The following KCNIP4 variants were observed in gnomAD, a reference collection of about 807,000 sequenced individuals.
KCNIP4 encodes the protein potassium voltage-gated channel interacting protein 4, also known as Kv channel-interacting protein 4.
KCNIP4 carries 12 observed loss-of-function variants against 34.0 expected under a neutral mutation model. That is an observed-to-expected ratio of 0.35 (90% CI 0.23 to 0.57). The LOEUF (loss-of-function observed/expected upper bound fraction) is 0.57, where lower values mean the gene tolerates loss of function less well. KCNIP4 is among the 20% of genes least tolerant of loss of function. KCNIP4 has a pLI of 0.83. For missense variants in KCNIP4, 238 were observed against 311.7 expected, an observed-to-expected ratio of 0.76 and a Z score of 1.78; for synonymous variants, 124 against 102.2, an observed-to-expected ratio of 1.21 and a Z score of -1.29.
chr4:21,572,801 A>T (rs1577618959), intron 1 of KCNIP4, among the ~76,000 whole-genome samples: 1 of 151,932 alleles, frequency 6.6e-6, no homozygotes, highest in Non-Finnish European at 1.5e-5. Context: ...TAATTTTTGT[A>T]TTTTTAGTGA....
At chr4:20,879,833 A>G (rs1299915889) in intron 2 of KCNIP4, among the ~76,000 whole-genome samples, 2 of 152,222 alleles carry the variant, frequency 1.3e-5, no homozygotes, top group African/African-American at 2.4e-5. Context: ...TTGCATTCAG[A>G]TAAATCAGTT....
intron 1 of KCNIP4, among the ~76,000 whole-genome samples, chr4:21,082,737 G>T (rs145100674): frequency 1.3e-5 from 2 of 151,950 alleles, no homozygotes; most frequent in South Asian, 4.1e-4. Context: ...AGCTGGCTCT[G>T]AATCTGATTT....
chr4:21,742,125 GA>G (rs1207598841), intron 1 of KCNIP4, among the ~76,000 whole-genome samples: 2 of 152,032 alleles, frequency 1.3e-5, no homozygotes, highest in Non-Finnish European at 2.9e-5. Context: ...GTACCAAATT[GA>G]AACAGCGTTA....
At chr4:20,905,826 T>C (rs1160444739) in intron 1 of KCNIP4, among the ~76,000 whole-genome samples, 1 of 151,966 alleles carries the variant, frequency 6.6e-6, no homozygotes, top group African/African-American at 2.4e-5. Flanking sequence ...GGCCTAGTAG[T>C]TGAATATTTT....
intron 1 of KCNIP4, among the ~76,000 whole-genome samples, chr4:21,062,209 T>G (rs976418805): frequency 3.3e-5 from 5 of 152,170 alleles, no homozygotes; most frequent in African/African-American, 1.2e-4. Flanking sequence ...AATTCTCCTA[T>G]GTCCTCAAGC....
chr4:20,944,309 A>C (rs1405543724), intron 1 of KCNIP4, among the ~76,000 whole-genome samples: 1 of 152,156 alleles, frequency 6.6e-6, no homozygotes, highest in East Asian at 1.9e-4. Context: ...TGACATGGTC[A>C]TGAGAAGGAC....
intron 1 of KCNIP4, among the ~76,000 whole-genome samples, chr4:21,038,363 T>A (rs1741649552): frequency 6.6e-6 from 1 of 152,188 alleles, no homozygotes; most frequent in African/African-American, 2.4e-5. Flanking sequence ...TCTTGCTTTT[T>A]TTATTATTAT....
intron 1 of KCNIP4, among the ~76,000 whole-genome samples, chr4:21,834,659 C>G (rs1489968702): frequency 6.6e-6 from 1 of 152,096 alleles, no homozygotes; most frequent in Non-Finnish European, 1.5e-5. Context: ...GAGGGCATCC[C>G]TGTCTTGTGC....
At position 21,634,613 on chromosome 4, in the gene KCNIP4, T is replaced by A. The variant is rs1026304636; in HGVS notation, c.61+313958A>T. On this transcript the variant is annotated intron_variant, in intron 1 of 8. Coordinates refer to ENST00000382152, the MANE Select transcript of KCNIP4 (RefSeq NM_025221.6). ...TTGCAAAGTTATGACACATCACTCA[T>A]TCATATTTAAAATCTTTAAGTGATA... is the stretch of plus-strand genomic sequence containing the variant. 6.6e-5 allele frequency among the ~76,000 whole-genome samples: 10 copies of A among 152,136 alleles called. No homozygotes were observed. The East Asian group carries it at 1.9e-3, about 29-fold the overall frequency.
At chr4:20,961,998 A>G (rs1169170377) in intron 1 of KCNIP4, among the ~76,000 whole-genome samples, 3 of 152,178 alleles carry the variant, frequency 2.0e-5, no homozygotes, top group African/African-American at 4.8e-5. Context: ...ATGACTACGT[A>G]TCTTTCCTAA....
At chr4:21,213,037 C>T (rs1757332927) in intron 1 of KCNIP4, among the ~76,000 whole-genome samples, 1 of 152,034 alleles carries the variant, frequency 6.6e-6, no homozygotes, top group African/African-American at 2.4e-5. Context: ...GGCTAAGAAA[C>T]ACAGGTGTAA....
chr4:21,333,374 C>T (rs1439346071), intron 1 of KCNIP4, among the ~76,000 whole-genome samples: 2 of 151,384 alleles, frequency 1.3e-5, no homozygotes, highest in Non-Finnish European at 3.0e-5. Context: ...AATAAAATAA[C>T]CTAAAATTAA....
chr4:20,888,363 C>A (rs933379887), intron 1 of KCNIP4, among the ~76,000 whole-genome samples: 3 of 152,092 alleles, frequency 2.0e-5, no homozygotes, highest in African/African-American at 4.8e-5. Flanking sequence ...GACTATATAT[C>A]TTTTATGATT....
intron 1 of KCNIP4, among the ~76,000 whole-genome samples, chr4:21,039,353 G>A (rs908971228): frequency 1.6e-4 from 24 of 148,978 alleles, no homozygotes; most frequent in African/African-American, 6.0e-4. Context: ...CTGGGCGATG[G>A]AGCAAGACTC....
chr4:20,987,653 T>G (rs1398225918), intron 1 of KCNIP4, among the ~76,000 whole-genome samples: 1 of 152,130 alleles, frequency 6.6e-6, no homozygotes, highest in African/African-American at 2.4e-5. Context: ...CCAAAAATAG[T>G]AGCTACCAAC....
At chr4:21,034,521 T>C (rs1741286443) in intron 1 of KCNIP4, among the ~76,000 whole-genome samples, 1 of 152,156 alleles carries the variant, frequency 6.6e-6, no homozygotes, top group Admixed American at 6.5e-5. Flanking sequence ...GGCACCCTTG[T>C]CTTTTCCCCT....
At chr4:21,157,438 A>G (rs1399650448) in intron 1 of KCNIP4, among the ~76,000 whole-genome samples, 1 of 152,062 alleles carries the variant, frequency 6.6e-6, no homozygotes, top group Non-Finnish European at 1.5e-5. Flanking sequence ...GACAAGATTT[A>G]CATTCCCATC....
chr4:21,858,401 C>T (rs2109346636), intron 1 of KCNIP4, among the ~76,000 whole-genome samples: 1 of 152,304 alleles, frequency 6.6e-6, no homozygotes, highest in Non-Finnish European at 1.5e-5. Flanking sequence ...AAGTGCTTTT[C>T]TTGTCATTTT....
chr4:21,138,072 A>T (rs528744506), intron 1 of KCNIP4, among the ~76,000 whole-genome samples: 2 of 152,126 alleles, frequency 1.3e-5, no homozygotes, highest in South Asian at 2.1e-4. Flanking sequence ...GGGTTTCACC[A>T]TGTTGGCCAG....
Sources: gnomAD v4.1 joint callset for allele counts (sites outside exome capture counted in the v4.1 genomes callset) on GRCh38, gnomAD v4.1.1 for gene constraint, MANE v1.5 for transcripts, NCBI Gene and HGNC (gene_info 2026-07-23, HGNC 2026-07-21) for gene names.